The following ITPK1 variants were observed in gnomAD, a reference collection of about 807,000 sequenced individuals.
ITPK1 encodes the protein inositol 1,3,4-trisphosphate 5/6-kinase.
Under a neutral mutation model 45.3 loss-of-function variants are expected in ITPK1, and 21 were observed. The observed-to-expected ratio is 0.46, with a 90% CI of 0.33 to 0.67. ITPK1 has a LOEUF of 0.67. Among genes scored for constraint, ITPK1 ranks in the 30% least tolerant of loss-of-function variants. The pLI, the probability that ITPK1 is intolerant of heterozygous loss-of-function variation, is 0.02. For synonymous variants in ITPK1, 258 were observed against 253.6 expected (o/e 1.02, Z -0.16); for missense variants, 474 against 573.5 (o/e 0.83, Z 1.77).
At chr14:93,084,226 C>G (rs551874298) in intron 2 of ITPK1, among the ~76,000 whole-genome samples, 1 of 152,250 alleles carries the variant, frequency 6.6e-6, no homozygotes, top group African/African-American at 2.4e-5. Context: ...CGAAGCCAGG[C>G]TGGGAACCAG....
At chr14:92,950,716 A>G (rs1251919275) in intron 9 of ITPK1, among the ~76,000 whole-genome samples, 4 of 152,214 alleles carry the variant, frequency 2.6e-5, no homozygotes, top group African/African-American at 9.6e-5. Context: ...CCTCCATTGC[A>G]TGGGCTGCCG....
intron 3 of ITPK1, among the ~76,000 whole-genome samples, chr14:93,027,973 C>G (rs1446517716): frequency 1.3e-5 from 2 of 152,244 alleles, no homozygotes; most frequent in African/African-American, 4.8e-5. Context: ...GGGGCTGGTC[C>G]TTGGCTTTCT....
intron 4 of ITPK1, among the ~76,000 whole-genome samples, chr14:93,008,871 T>C (rs1887749498): frequency 6.6e-6 from 1 of 152,218 alleles, no homozygotes; most frequent in African/African-American, 2.4e-5. Context: ...TTAGTCCTCT[T>C]GGTGTGTGAT....
chr14:92,970,379 C>T (rs981346025), intron 5 of ITPK1, among the ~76,000 whole-genome samples: 7 of 152,200 alleles, frequency 4.6e-5, no homozygotes, highest in African/African-American at 1.4e-4. Context: ...GCGGGGGATG[C>T]CCTCAGGGGA....
intron 3 of ITPK1, among the ~76,000 whole-genome samples, chr14:93,027,263 A>C (rs1888784587): frequency 6.6e-6 from 1 of 152,210 alleles, no homozygotes; most frequent in Non-Finnish European, 1.5e-5. Flanking sequence ...TTATTTACTT[A>C]CTGAAAGTTT....
intron 3 of ITPK1, among the ~76,000 whole-genome samples, chr14:93,045,499 A>G (rs1889735554): frequency 6.6e-6 from 1 of 152,242 alleles, no homozygotes; most frequent in Non-Finnish European, 1.5e-5. Flanking sequence ...TACTGACAGC[A>G]CTTAAAAACC....
At chr14:92,988,356 G>A (rs1886601948) in intron 5 of ITPK1, among the ~76,000 whole-genome samples, 1 of 152,192 alleles carries the variant, frequency 6.6e-6, no homozygotes, top group African/African-American at 2.4e-5. Context: ...CGAGGCACTG[G>A]CGACCCACTT....
intron 3 of ITPK1, among the ~76,000 whole-genome samples, chr14:93,067,246 G>T (rs1204827482): frequency 6.6e-6 from 1 of 152,136 alleles, no homozygotes; most frequent in Non-Finnish European, 1.5e-5. Context: ...ACATTTGACA[G>T]CCAAGCAAGG....
At chr14:93,040,819 G>C (rs1211366797) in intron 3 of ITPK1, among the ~76,000 whole-genome samples, 1 of 152,160 alleles carries the variant, frequency 6.6e-6, no homozygotes, top group Non-Finnish European at 1.5e-5. Context: ...AGCCAAGCTT[G>C]GGAGGCAGGA....
At chr14:92,995,708 C>T (rs1212897226) in intron 4 of ITPK1, among the ~76,000 whole-genome samples, 4 of 152,240 alleles carry the variant, frequency 2.6e-5, no homozygotes, top group African/African-American at 7.2e-5. Context: ...ACCCTCCAGC[C>T]GTCAGCAAGC....
intron 2 of ITPK1, among the ~76,000 whole-genome samples, chr14:93,113,037 C>CTT (rs10623183): frequency 0.029 from 4,384 of 152,290 alleles, 106 homozygotes; most frequent in Admixed American, 0.083. Flanking sequence ...CGGAAAAACT[C>CTT]TTTGGTGTTT....
At position 93,063,296 on chromosome 14, in the gene ITPK1, G is replaced by C. The variant is rs1156677416; in HGVS notation, c.120+13299C>G. Among the ~76,000 whole-genome samples the C allele has an allele frequency of 6.6e-6, 1 of 152,140 alleles. No homozygotes were observed. Among genetic ancestry groups the C allele is most frequent in the Non-Finnish European group, 1.5e-5 (1 of 68,016 alleles). On this transcript the variant is annotated intron_variant, in intron 3 of 10. Coordinates refer to ENST00000267615, the MANE Select transcript of ITPK1 (RefSeq NM_014216.6). This position sits in a 1 kb window ranked among gnomAD's most constrained non-coding sequence, Gnocchi z 4.3. ...CAGGACCCACACCCTCCTGCCCAGG[G>C]ACCCCTGGTCCCCCACCCACCTGAG...
chr14:93,110,986 T>C (rs1892726944), intron 2 of ITPK1, among the ~76,000 whole-genome samples: 1 of 151,812 alleles, frequency 6.6e-6, no homozygotes, highest in African/African-American at 2.4e-5. Flanking sequence ...CATCCCTCCA[T>C]CCCAACGAGG....
rs372991904 is a variant in ITPK1, at chr14:92,958,376, C to T, written c.505-10G>A. On this transcript the variant is annotated splice_polypyrimidine_tract_variant and intron_variant, in intron 7 of 10. Transcript: ENST00000267615. The surrounding 1 kb of genome is among the most constrained non-coding windows in gnomAD (Gnocchi z 4.4). ...TGAACACGATAGCCATCTGGGAAGA[C>T]AAGGGGTCAAAAGCTCTGTCAGAAT... 4 of 1,613,744 alleles carry T rather than the reference C, an allele frequency of 2.5e-6. No individual in the cohort carries two copies. The highest frequency in any genetic ancestry group is 1.7e-5 in the Admixed American group (1 of 59,996).
chr14:92,992,564 G>A (rs1041882862), intron 5 of ITPK1, among the ~76,000 whole-genome samples: 5 of 152,166 alleles, frequency 3.3e-5, no homozygotes, highest in Non-Finnish European at 7.3e-5. Context: ...AAGAGGCCTC[G>A]GGAGCCCTTC....
chr14:93,034,922 C>T lies in ITPK1; in HGVS notation c.121-18121G>A, dbSNP rs1889252763. On this transcript the variant is annotated intron_variant, in intron 3 of 10. Transcript: ENST00000267615. This position sits in a 1 kb window ranked among gnomAD's most constrained non-coding sequence, Gnocchi z 4.1. ...TCACCTATGGGGCCTGGCAGGCCTTCCCTTCTCCAGCCCCACCCCAGGTAG... is the reference window on the plus strand; with the variant it reads ...TCACCTATGGGGCCTGGCAGGCCTTTCCTTCTCCAGCCCCACCCCAGGTAG... Among the ~76,000 whole-genome samples, 1 of 152,258 alleles carries T rather than the reference C, an allele frequency of 6.6e-6. No individual in the cohort carries two copies. Among genetic ancestry groups the T allele is most frequent in the Non-Finnish European group, 1.5e-5 (1 of 68,042 alleles).
At chr14:93,115,749 T>C (rs7342554) in intron 1 of ITPK1, 23 bp downstream of exon 1, 4,349 of 149,662 alleles carry the variant, frequency 0.029, 106 homozygotes, top group Admixed American at 0.083. Flanking sequence ...ACGCGGCCAC[T>C]CGGCCCGGCC....
chr14:92,944,645 C>T (rs1192470618), intron 10 of ITPK1, among the ~76,000 whole-genome samples: 3 of 152,190 alleles, frequency 2.0e-5, no homozygotes, highest in East Asian at 1.9e-4. Context: ...CAGCCACTGA[C>T]GTTGTCCCCT....
chr14:92,996,785 G>A (rs1481267078), intron 4 of ITPK1, among the ~76,000 whole-genome samples: 1 of 152,086 alleles, frequency 6.6e-6, no homozygotes, highest in Non-Finnish European at 1.5e-5. Context: ...AACACACCAG[G>A]AAGCAGCCTG....
Sources: gnomAD v4.1 joint callset for allele counts (sites outside exome capture counted in the v4.1 genomes callset) on GRCh38, gnomAD v4.1.1 for gene constraint, Gnocchi (gnomAD v3.1) non-coding constraint, MANE v1.5 for transcripts, NCBI Gene and HGNC (gene_info 2026-07-23, HGNC 2026-07-21) for gene names.